The following FOXP1 variants were observed in gnomAD, a reference collection of about 807,000 sequenced individuals.
FOXP1 encodes forkhead box protein P1.
In FOXP1, 15 loss-of-function variants were observed where a neutral mutation model predicts 98.2. The ratio of observed to expected loss-of-function variants is 0.15; its 90% CI spans 0.10 to 0.24. The LOEUF is 0.24. Among genes scored for constraint, FOXP1 ranks in the 10% least tolerant of loss-of-function variants. FOXP1 has a pLI of 1.00. For synonymous variants in FOXP1, 371 were observed against 314.5 expected, an observed-to-expected ratio of 1.18 and a Z score of -1.90; for missense variants, 633 against 848.5, an observed-to-expected ratio of 0.75 and a Z score of 3.15.
intron 5 of FOXP1, among the ~76,000 whole-genome samples, chr3:71,206,773 C>G (rs1005436932): frequency 6.6e-5 from 10 of 152,188 alleles, no homozygotes; most frequent in African/African-American, 2.4e-4. Context: ...TGACCCCGCT[C>G]CAAAAATTAC....
chr3:71,035,075 C>T (rs2047401551), intron 11 of FOXP1, among the ~76,000 whole-genome samples: 1 of 152,144 alleles, frequency 6.6e-6, no homozygotes, highest in Admixed American at 6.5e-5. Context: ...ACATGTATTC[C>T]AAACCCCTGA....
At chr3:71,483,869 A>T (rs2090464810) in intron 3 of FOXP1, among the ~76,000 whole-genome samples, 1 of 152,096 alleles carries the variant, frequency 6.6e-6, no homozygotes. Context: ...AAATAAATAA[A>T]AATTTGAAAA....
At chr3:71,551,552 G>A (rs554839018) in intron 2 of FOXP1, among the ~76,000 whole-genome samples, 4 of 152,094 alleles carry the variant, frequency 2.6e-5, no homozygotes, top group Non-Finnish European at 5.9e-5. Context: ...AACGTTTCCT[G>A]GTTCCTCAAG....
intron 3 of FOXP1, among the ~76,000 whole-genome samples, chr3:71,455,095 T>A (rs1032691117): frequency 2.0e-5 from 3 of 152,148 alleles, no homozygotes; most frequent in Non-Finnish European, 2.9e-5. Context: ...ATGATATACA[T>A]CTCTTTACAA....
At chr3:71,383,083 C>A (rs2080301068) in intron 3 of FOXP1, among the ~76,000 whole-genome samples, 1 of 152,198 alleles carries the variant, frequency 6.6e-6, no homozygotes, top group South Asian at 2.1e-4. Flanking sequence ...TGAAAGATAA[C>A]ACCATCAGGA....
At chr3:71,486,848 T>C (rs1283056250) in intron 3 of FOXP1, among the ~76,000 whole-genome samples, 1 of 152,192 alleles carries the variant, frequency 6.6e-6, no homozygotes, top group African/African-American at 2.4e-5. Flanking sequence ...TCCTAGAATT[T>C]TACATCACGG....
chr3:71,420,375 G>A (rs1194849047), intron 3 of FOXP1, among the ~76,000 whole-genome samples: 5 of 152,258 alleles, frequency 3.3e-5, no homozygotes, highest in Non-Finnish European at 5.9e-5. Context: ...GTAGCAGGAA[G>A]GTGGCATGAT....
At chr3:71,275,753 G>A (rs1396454385) in intron 5 of FOXP1, among the ~76,000 whole-genome samples, 1 of 152,156 alleles carries the variant, frequency 6.6e-6, no homozygotes, top group Admixed American at 6.5e-5. Flanking sequence ...CGTATTATTA[G>A]AGTTACACAA....
chr3:71,178,201 C>T lies in FOXP1; in HGVS notation c.180+20001G>A, dbSNP rs1307146620. ...CCAGGCTGGAATGCAGTGGCGCGAT[C>T]TCAGCTCCCTGCAACCTCCGCCTCC... On this transcript the variant is annotated intron_variant, in intron 6 of 20. Coordinates refer to ENST00000649528, the MANE Select transcript of FOXP1 (RefSeq NM_001349338.3). 1.0e-4 allele frequency among the ~76,000 whole-genome samples: 15 copies of T among 148,944 alleles called. 1 individual carries two copies. The highest frequency in any genetic ancestry group is 3.0e-5 in the Non-Finnish European group (2 of 67,520).
rs573137119 is a variant in FOXP1, at chr3:70,961,879, A to T, written c.1890-2488T>A. On this transcript the variant is annotated intron_variant, in intron 20 of 20. Transcript: ENST00000649528. Reference sequence around the variant, plus strand: ...AGTTCGAGTCCAGCCTGGGTGATACAGTAAGACCCCTATCTCTAAATAAAA... The same window carrying T: ...AGTTCGAGTCCAGCCTGGGTGATACTGTAAGACCCCTATCTCTAAATAAAA... 1.4e-4 allele frequency among the ~76,000 whole-genome samples: 22 copies of T among 152,274 alleles called. No homozygotes were observed. The South Asian group carries it at 4.6e-3, about 32-fold the overall frequency.
Position 71,262,264 on chromosome 3 carries a change from C to CAAAAAAAAAAA in FOXP1, c.-12+37545_-12+37555dup, listed in dbSNP as rs71104433. On this transcript the variant is annotated intron_variant, in intron 5 of 20. Coordinates refer to ENST00000649528, the MANE Select transcript of FOXP1 (RefSeq NM_001349338.3). Reference sequence around the variant, plus strand: ...CTGGCAACAGGACAAGACTCTGTCACAAAAAAAAAAAAAAAAAAAAAAAAA... The same window carrying CAAAAAAAAAAA: ...CTGGCAACAGGACAAGACTCTGTCACAAAAAAAAAAAAAAAAAAAAAAAAAAAAAAAAAAAA... Among the ~76,000 whole-genome samples the CAAAAAAAAAAA allele has an allele frequency of 5.8e-4, 15 of 25,714 alleles. 3 individuals are homozygous for CAAAAAAAAAAA. Among genetic ancestry groups the CAAAAAAAAAAA allele is most frequent in the African/African-American group, 6.7e-4 (5 of 7,426 alleles). 16.9% of individuals were successfully genotyped at this position (25,714 alleles called of 152,430 possible).
At chr3:71,082,926 T>C (rs1319858022) in intron 7 of FOXP1, among the ~76,000 whole-genome samples, 2 of 152,198 alleles carry the variant, frequency 1.3e-5, no homozygotes, top group South Asian at 2.1e-4. Flanking sequence ...AGGAGCAAAA[T>C]GTCTATATAG....
chr3:71,571,025 G>A (rs192138501), intron 2 of FOXP1: 258 of 152,256 alleles, frequency 1.7e-3, no homozygotes, highest in African/African-American at 6.0e-3. Flanking sequence ...CACTTTTCAT[G>A]TCCTACAGAA....
At chr3:71,055,587 A>G (rs1195181189) in intron 7 of FOXP1, among the ~76,000 whole-genome samples, 1 of 152,246 alleles carries the variant, frequency 6.6e-6, no homozygotes, top group Admixed American at 6.5e-5. Context: ...AGTTTAGGGC[A>G]AACACCAGGA....
chr3:71,247,963 C>T (rs964739090), intron 5 of FOXP1, among the ~76,000 whole-genome samples: 1 of 152,174 alleles, frequency 6.6e-6, no homozygotes, highest in Non-Finnish European at 1.5e-5. Flanking sequence ...ATGCATGAAT[C>T]GGGCTTGCCT....
In FOXP1 at chr3:71,275,248, G is replaced by A. The variant is rs569218414; in HGVS notation, c.-12+24572C>T. On this transcript the variant is annotated intron_variant, in intron 5 of 20. Coordinates refer to ENST00000649528, the MANE Select transcript of FOXP1 (RefSeq NM_001349338.3). The stretch of plus-strand genomic sequence containing the variant: ...CGTTCTTTTTTAACAGCTCTGTAGT[G>A]ATGTCCCTGGGTGTCCCTCATCCTG... Among the ~76,000 whole-genome samples the A allele has an allele frequency of 2.0e-5, 3 of 152,252 alleles. No homozygotes were observed. In the South Asian group the frequency reaches 6.2e-4, roughly 32 times the overall value.
intron 2 of FOXP1, among the ~76,000 whole-genome samples, chr3:71,567,427 G>A (rs2046993475): frequency 6.6e-6 from 1 of 151,702 alleles, no homozygotes; most frequent in Admixed American, 6.6e-5. Flanking sequence ...CAGATAATCA[G>A]TGCATATTAA....
At chr3:71,276,332 A>G (rs2070886446) in intron 5 of FOXP1, 1 of 152,162 alleles carries the variant, frequency 6.6e-6, no homozygotes, top group African/African-American at 2.4e-5. Context: ...TTGGTCCTAT[A>G]ATATAGGAAT....
At chr3:70,980,866 G>A (rs998072211) in intron 14 of FOXP1, among the ~76,000 whole-genome samples, 2 of 152,174 alleles carry the variant, frequency 1.3e-5, no homozygotes, top group South Asian at 4.1e-4. Flanking sequence ...CAGTTCTGAG[G>A]ACTGACTATA....
Sources: gnomAD v4.1 joint callset for allele counts (sites outside exome capture counted in the v4.1 genomes callset) on GRCh38, gnomAD v4.1.1 for gene constraint, MANE v1.5 for transcripts, NCBI Gene and HGNC (gene_info 2026-07-23, HGNC 2026-07-21) for gene names.